GLDC: variants seen among roughly 807,000 people sequenced by gnomAD.
The protein encoded by GLDC is glycine decarboxylase.
A neutral mutation model predicts 121.3 loss-of-function variants in GLDC; 104 were observed. The observed-to-expected ratio is 0.86, with a 90% CI of 0.73 to 1.01. The LOEUF (loss-of-function observed/expected upper bound fraction) is 1.01. GLDC is among the 50% of genes least tolerant of loss of function. GLDC has a pLI of 0.00. For synonymous variants in GLDC, 546 were observed against 480.6 expected, an observed-to-expected ratio of 1.14 and a Z score of -1.78; for missense variants, 1,429 against 1,306.6, an observed-to-expected ratio of 1.09 and a Z score of -1.44.
chr9:6,593,403 A>G (rs1349848316), intron 9 of GLDC, among the ~76,000 whole-genome samples: 1 of 151,672 alleles, frequency 6.6e-6, no homozygotes, highest in African/African-American at 2.4e-5. Context: ...AGCTCATGCA[A>G]TCCCCTTGCC....
intron 15 of GLDC, chr9:6,567,048 G>A (rs1267852986): frequency 6.6e-6 from 1 of 152,108 alleles, no homozygotes; most frequent in Non-Finnish European, 1.5e-5. Context: ...TCCAAGGACG[G>A]AGAGTTGTGG....
rs1354657943 is a variant in GLDC, at chr9:6,602,207, T to C, written c.1059-2A>G. On this transcript the variant is annotated splice_acceptor_variant, in intron 7 of 24. Coordinates refer to ENST00000321612, the MANE Select transcript of GLDC (RefSeq NM_000170.3). LOFTEE classifies it high-confidence loss of function. ...TACACTTCTTTCCCAGTGGCATCTC[T>C]ACACCAAGAATAAGGCATCCAGTTA... The C allele has an allele frequency of 1.9e-6, 3 of 1,585,762 alleles. No homozygotes were observed. The highest frequency in any genetic ancestry group is 1.3e-5 in the African/African-American group (1 of 74,394).
intron 15 of GLDC, among the ~76,000 whole-genome samples, chr9:6,572,223 C>T (rs973813876): frequency 6.6e-5 from 10 of 152,154 alleles, no homozygotes; most frequent in African/African-American, 1.9e-4. Context: ...ATTAGGGTTA[C>T]AAGGACAAGC....
intron 15 of GLDC, among the ~76,000 whole-genome samples, chr9:6,572,523 G>C (rs1273585776): frequency 6.6e-6 from 1 of 151,946 alleles, no homozygotes; most frequent in African/African-American, 2.4e-5. Context: ...CCCTATGAAA[G>C]CAAAAAGGAT....
At chr9:6,605,438 T>G in intron 5 of GLDC, 160 bp from the exon 6 acceptor site, 1 of 702,638 alleles carries the variant, frequency 1.4e-6, no homozygotes. Context: ...CAGTGGTAAC[T>G]ACATCACAGC....
intron 16 of GLDC, among the ~76,000 whole-genome samples, chr9:6,561,360 T>C (rs991508406): frequency 1.3e-5 from 2 of 152,152 alleles, no homozygotes; most frequent in Non-Finnish European, 2.9e-5. Flanking sequence ...TTTAAAATTG[T>C]AGTGTTGGCC....
chr9:6,595,093 C>G lies in GLDC; in HGVS notation c.1182G>C (p.Met394Ile). The G allele has an allele frequency of 6.2e-7, 1 of 1,612,826 alleles. No homozygotes were observed. The highest frequency in any genetic ancestry group is 2.2e-5 in the East Asian group (1 of 44,874). The change falls in exon 9 of 25, where the codon ATG becomes ATC. Residue 394 changes from methionine (M) to isoleucine (I), a missense_variant. Transcript: ENST00000321612. Reference protein sequence around the residue: ...AQALLANMAAMFAIYHGSHGL... With the variant: ...AQALLANMAAIFAIYHGSHGL... ...CATGGGAACCATGGTAGATTGCAAA[C>G]ATGGCAGCCATATTCGCCAAGAGGG...
intron 15 of GLDC, among the ~76,000 whole-genome samples, chr9:6,584,599 G>A (rs752858585): frequency 3.3e-5 from 5 of 152,024 alleles, no homozygotes; most frequent in Admixed American, 6.6e-5. Context: ...TTTTTTCTGC[G>A]AATTAAGACA....
intron 15 of GLDC, among the ~76,000 whole-genome samples, chr9:6,575,019 T>A (rs1362288550): frequency 6.6e-6 from 1 of 152,058 alleles, no homozygotes; most frequent in East Asian, 1.9e-4. Flanking sequence ...ACATTAGAAT[T>A]AGAGAGTTTT....
At chr9:6,642,049 A>G (rs944138016) in intron 2 of GLDC, among the ~76,000 whole-genome samples, 2 of 152,196 alleles carry the variant, frequency 1.3e-5, no homozygotes, top group East Asian at 3.8e-4. Context: ...GTCAAAATTC[A>G]TCCTTTGCAG....
intron 22 of GLDC, among the ~76,000 whole-genome samples, chr9:6,537,829 G>A (rs150367105): frequency 7.9e-5 from 12 of 151,772 alleles, no homozygotes; most frequent in Non-Finnish European, 1.5e-4. Flanking sequence ...GACTGTAGGT[G>A]AGCACCCATA....
chr9:6,609,810 C>T (rs941733395), intron 4 of GLDC, among the ~76,000 whole-genome samples: 2 of 152,242 alleles, frequency 1.3e-5, no homozygotes, highest in Non-Finnish European at 1.5e-5. Context: ...GGCCCACCCT[C>T]GCAGCCCCCA....
At chr9:6,642,910 T>C (rs1316869395) in intron 2 of GLDC, among the ~76,000 whole-genome samples, 3 of 151,482 alleles carry the variant, frequency 2.0e-5, no homozygotes, top group Admixed American at 6.6e-5. Context: ...CCTTTCTCTT[T>C]TTTTTTTAGA....
chr9:6,638,462 G>A (rs932785007), intron 2 of GLDC, among the ~76,000 whole-genome samples: 3 of 151,836 alleles, frequency 2.0e-5, no homozygotes, highest in Non-Finnish European at 2.9e-5. Flanking sequence ...TGATCCACCC[G>A]CCTCGCCCTC....
intron 15 of GLDC, among the ~76,000 whole-genome samples, chr9:6,585,286 C>A (rs1013691460): frequency 6.6e-6 from 1 of 152,154 alleles, no homozygotes; most frequent in East Asian, 1.9e-4. Flanking sequence ...AAATCACTCT[C>A]CAATATGACA....
At chr9:6,559,118 C>T (rs531773111) in intron 16 of GLDC, among the ~76,000 whole-genome samples, 4 of 152,270 alleles carry the variant, frequency 2.6e-5, no homozygotes, top group African/African-American at 9.6e-5. Flanking sequence ...ACGTTAATTC[C>T]AAGGCCTCCC....
At chr9:6,569,948 C>A (rs1244864488) in intron 15 of GLDC, among the ~76,000 whole-genome samples, 2 of 152,140 alleles carry the variant, frequency 1.3e-5, no homozygotes, top group Admixed American at 6.5e-5. Context: ...TGCACTCCAG[C>A]CTGGGCCACA....
chr9:6,598,354 G>A (rs1368390578), intron 8 of GLDC, among the ~76,000 whole-genome samples: 1 of 151,990 alleles, frequency 6.6e-6, no homozygotes, highest in Non-Finnish European at 1.5e-5. Context: ...TTTAGAATGG[G>A]GCCTGCTGAG....
At chr9:6,581,682 A>C (rs953400434) in intron 15 of GLDC, among the ~76,000 whole-genome samples, 3 of 152,238 alleles carry the variant, frequency 2.0e-5, no homozygotes, top group Non-Finnish European at 4.4e-5. Context: ...AATAGTAGGA[A>C]TGAAAAAGTT....
Sources: gnomAD v4.1 joint callset for allele counts (sites outside exome capture counted in the v4.1 genomes callset) on GRCh38, gnomAD v4.1.1 for gene constraint, MANE v1.5 for transcripts, NCBI Gene and HGNC (gene_info 2026-07-23, HGNC 2026-07-21) for gene names.